CA10: variants seen among roughly 807,000 people sequenced by gnomAD.
The protein encoded by CA10 is carbonic anhydrase-related protein 10.
A neutral mutation model predicts 44.2 loss-of-function variants in CA10; 14 were observed. The observed-to-expected ratio is 0.32, with a 90% CI of 0.21 to 0.50. CA10 has a LOEUF of 0.50. Among genes scored for constraint, CA10 ranks in the 20% least tolerant of loss-of-function variants. The probability of loss-of-function intolerance (pLI) is 0.99; values close to 1 mark genes in which losing one functional copy is unlikely to be tolerated. For synonymous variants in CA10, 159 were observed against 141.6 expected (o/e 1.12, Z -0.87); for missense variants, 350 against 409.7 (o/e 0.85, Z 1.26).
At chr17:51,922,240 C>A (rs1406352940) in intron 3 of CA10, among the ~76,000 whole-genome samples, 1 of 152,154 alleles carries the variant, frequency 6.6e-6, no homozygotes, top group Non-Finnish European at 1.5e-5. Flanking sequence ...GCCAAATAAA[C>A]CCTTTGTTTA....
intron 3 of CA10, among the ~76,000 whole-genome samples, chr17:51,890,693 T>C (rs1980817794): frequency 1.3e-5 from 2 of 152,150 alleles, no homozygotes; most frequent in Admixed American, 6.5e-5. Flanking sequence ...AAACCATAGT[T>C]TCAAACCCGT....
intron 3 of CA10, among the ~76,000 whole-genome samples, chr17:51,906,180 A>C (rs34941360): frequency 0.2 from 30,636 of 151,948 alleles, 3,648 homozygotes; most frequent in East Asian, 0.49. Flanking sequence ...GCCTACCCCC[A>C]TTTTGTGCTC....
chr17:52,116,712 G>C (rs866173854), intron 1 of CA10, among the ~76,000 whole-genome samples: 3 of 152,194 alleles, frequency 2.0e-5, no homozygotes, highest in South Asian at 2.1e-4. Context: ...TTGGCTTGGA[G>C]TTGAGCTCAG....
intron 3 of CA10, among the ~76,000 whole-genome samples, chr17:51,894,126 T>C (rs1035653314): frequency 1.3e-5 from 2 of 151,978 alleles, no homozygotes; most frequent in Non-Finnish European, 2.9e-5. Context: ...TAGCAACACA[T>C]TGACTGAGAA....
At chr17:52,087,824 A>G (rs943623973) in intron 1 of CA10, among the ~76,000 whole-genome samples, 1 of 152,202 alleles carries the variant, frequency 6.6e-6, no homozygotes, top group African/African-American at 2.4e-5. Flanking sequence ...TATTTATCAG[A>G]TGGGGAAACA....
chr17:52,108,944 A>T (rs4794329), intron 1 of CA10, among the ~76,000 whole-genome samples: 95,878 of 151,700 alleles, frequency 0.63, 31,783 homozygotes, highest in African/African-American at 0.83. Context: ...AACTTTTTTT[A>T]AAAAAAAGTG....
At chr17:52,012,651 TC>T (rs1338542158) in intron 2 of CA10, among the ~76,000 whole-genome samples, 1 of 152,048 alleles carries the variant, frequency 6.6e-6, no homozygotes, top group Non-Finnish European at 1.5e-5. Flanking sequence ...AAGAATGGAA[TC>T]ATACACACAG....
At chr17:51,970,984 T>A (rs1440023345) in intron 2 of CA10, among the ~76,000 whole-genome samples, 1 of 152,048 alleles carries the variant, frequency 6.6e-6, no homozygotes, top group Admixed American at 6.6e-5. Context: ...GACCATTCCA[T>A]ATTTGGGTAG....
intron 3 of CA10, among the ~76,000 whole-genome samples, chr17:51,898,216 T>C (rs1373736109): frequency 2.0e-5 from 3 of 152,144 alleles, no homozygotes. Context: ...CATAAGTGGC[T>C]CTTATTATTT....
At chr17:51,655,578 C>T (rs1413855397) in intron 4 of CA10, among the ~76,000 whole-genome samples, 1 of 152,214 alleles carries the variant, frequency 6.6e-6, no homozygotes, top group African/African-American at 2.4e-5. Context: ...GCTTTTAAAG[C>T]CCACCTGTGC....
chr17:51,776,290 G>A (rs1301811429), intron 3 of CA10, among the ~76,000 whole-genome samples: 2 of 152,154 alleles, frequency 1.3e-5, no homozygotes, highest in Admixed American at 1.3e-4. Flanking sequence ...CAGGAGAATC[G>A]CTTGAACCTG....
chr17:52,159,463 CG>C (rs1250066915), upstream of CA10: 1 of 152,262 alleles, frequency 6.6e-6, no homozygotes, highest in Non-Finnish European at 1.5e-5. Context: ...TTTAGAGGAA[CG>C]GGCTTCCCTT....
intron 1 of CA10, among the ~76,000 whole-genome samples, chr17:52,090,101 G>A (rs1988220194): frequency 6.6e-6 from 1 of 152,224 alleles, no homozygotes; most frequent in Non-Finnish European, 1.5e-5. Context: ...AACTGTAAAC[G>A]TGTTTTTAAA....
chr17:51,976,491 C>T (rs1223331139), intron 2 of CA10, among the ~76,000 whole-genome samples: 1 of 151,990 alleles, frequency 6.6e-6, no homozygotes, highest in Non-Finnish European at 1.5e-5. Flanking sequence ...CAACACAGTT[C>T]TAAAATACTT....
At chr17:51,902,596 A>G (rs1981367179) in intron 3 of CA10, among the ~76,000 whole-genome samples, 1 of 152,178 alleles carries the variant, frequency 6.6e-6, no homozygotes, top group Non-Finnish European at 1.5e-5. Flanking sequence ...GCTTTCTTCC[A>G]TGACAACAGC....
rs377639530 is a variant in CA10, at chr17:51,635,987, C to A, written c.657G>T (p.Gly219=). 1.9e-6 allele frequency: 3 copies of A among 1,583,860 alleles called. No individual in the cohort carries two copies. Among genetic ancestry groups the A allele is most frequent in the Admixed American group, 3.6e-5 (2 of 55,790 alleles). The change falls in exon 7 of 9, where the codon GGG becomes GGT. Residue 219 remains glycine (G), a synonymous_variant. Coordinates refer to ENST00000451037, the MANE Select transcript of CA10 (RefSeq NM_020178.5). Reference sequence around the variant, plus strand: ...CTGGATATAGTTCCTCTATATTAAGCCCCTGTAGTAAATATGCATCATCTA... The same window carrying A: ...CTGGATATAGTTCCTCTATATTAAGACCCTGTAGTAAATATGCATCATCTA... ...TYKNDAYLLQ[G]LNIEELYPET...
chr17:51,957,110 C>A (rs1321541383), intron 2 of CA10, among the ~76,000 whole-genome samples: 1 of 152,044 alleles, frequency 6.6e-6, no homozygotes, highest in African/African-American at 2.4e-5. Context: ...TAAAATATGC[C>A]TATAAATATT....
chr17:51,985,741 C>T (rs969646800), intron 2 of CA10, among the ~76,000 whole-genome samples: 2 of 151,926 alleles, frequency 1.3e-5, no homozygotes, highest in African/African-American at 4.8e-5. Flanking sequence ...ATCAAGAACT[C>T]AACCCCTTTT....
intron 2 of CA10, among the ~76,000 whole-genome samples, chr17:51,972,992 T>C (rs538342607): frequency 2.4e-4 from 37 of 152,174 alleles, no homozygotes; most frequent in African/African-American, 8.7e-4. Flanking sequence ...TGCTGGAAAA[T>C]GGGTCTGCAG....
Sources: gnomAD v4.1 joint callset for allele counts (sites outside exome capture counted in the v4.1 genomes callset) on GRCh38, gnomAD v4.1.1 for gene constraint, MANE v1.5 for transcripts, NCBI Gene and HGNC (gene_info 2026-07-23, HGNC 2026-07-21) for gene names.